Variants in CHRM3 observed in about 807,000 individuals in gnomAD.
The protein encoded by CHRM3 is muscarinic acetylcholine receptor M3.
A neutral mutation model predicts 41.8 loss-of-function variants in CHRM3; 11 were observed. That is an observed-to-expected ratio of 0.26 (90% CI 0.17 to 0.44). CHRM3 has a LOEUF of 0.44. Among genes scored for constraint, CHRM3 ranks in the 20% least tolerant of loss-of-function variants. The pLI is 1.00. For synonymous variants in CHRM3, 297 were observed against 301.4 expected (o/e 0.99, Z 0.15); for missense variants, 571 against 745.4 (o/e 0.77, Z 2.72).
At chr1:239,495,885 A>G (rs1395724118) in intron 2 of CHRM3, among the ~76,000 whole-genome samples, 1 of 152,012 alleles carries the variant, frequency 6.6e-6, no homozygotes, top group Admixed American at 6.6e-5. Context: ...AATTCATTTC[A>G]TATTTCCTTC....
At chr1:239,414,227 C>A (rs1661325548) in intron 1 of CHRM3, among the ~76,000 whole-genome samples, 1 of 152,114 alleles carries the variant, frequency 6.6e-6, no homozygotes, top group African/African-American at 2.4e-5. Flanking sequence ...TTTCTATTCA[C>A]AATTAATTTG....
chr1:239,777,728 A>G (rs1320142704), intron 5 of CHRM3, among the ~76,000 whole-genome samples: 6 of 152,226 alleles, frequency 3.9e-5, no homozygotes, highest in Non-Finnish European at 5.9e-5. Context: ...TTAAGGGCAG[A>G]AAAAAGCGAA....
intron 3 of CHRM3, among the ~76,000 whole-genome samples, chr1:239,579,916 CAAACTTA>C (rs1407355691): frequency 6.6e-6 from 1 of 152,052 alleles, no homozygotes; most frequent in Admixed American, 6.6e-5. Flanking sequence ...CGAGGCACAG[CAAACTTA>C]AGTGATTTTC....
At chr1:239,610,425 T>G (rs1666886282) in intron 3 of CHRM3, among the ~76,000 whole-genome samples, 1 of 152,198 alleles carries the variant, frequency 6.6e-6, no homozygotes, top group Non-Finnish European at 1.5e-5. Flanking sequence ...ATAATTTCTT[T>G]TTAAACAATA....
At position 239,859,433 on chromosome 1, in the gene CHRM3, T is replaced by G. The variant is rs12091283; in HGVS notation, c.-20+32055T>G. On this transcript the variant is annotated intron_variant, in intron 6 of 6. Coordinates refer to ENST00000676153, the MANE Select transcript of CHRM3 (RefSeq NM_001375978.1). ...TTGTTGTTGTTGTTTTTTTTTTTTG[T>G]TTTTTTTTTTGAGGTGGAGTCTCAC... Among the ~76,000 whole-genome samples the G allele has an allele frequency of 7.0e-5, 7 of 99,402 alleles. No homozygotes were observed. The South Asian group carries it at 2.5e-3, about 35-fold the overall frequency. 65.2% of individuals were successfully genotyped at this position (99,402 alleles called of 152,430 possible).
chr1:239,701,092 C>G (rs1391217890), intron 5 of CHRM3, among the ~76,000 whole-genome samples: 2 of 152,104 alleles, frequency 1.3e-5, no homozygotes. Flanking sequence ...ACTAAAGTTC[C>G]TAAGACATTT....
At chr1:239,584,162 G>A (rs1181933714) in intron 3 of CHRM3, among the ~76,000 whole-genome samples, 1 of 146,686 alleles carries the variant, frequency 6.8e-6, no homozygotes, top group Non-Finnish European at 1.5e-5. Flanking sequence ...AGAGTGCAGT[G>A]GTGCGATCTT....
At chr1:239,450,289 C>T (rs1664469093) in intron 1 of CHRM3, among the ~76,000 whole-genome samples, 1 of 152,162 alleles carries the variant, frequency 6.6e-6, no homozygotes, top group Non-Finnish European at 1.5e-5. Context: ...CTGCTTGAAT[C>T]AGGGATAAAT....
chr1:239,662,105 A>ATGTG (rs57202092), intron 4 of CHRM3, among the ~76,000 whole-genome samples: 13,578 of 144,736 alleles, frequency 0.094, 647 homozygotes, highest in African/African-American at 0.12. Context: ...TCAGTTTTAG[A>ATGTG]TGTGTGTGTG....
intron 4 of CHRM3, among the ~76,000 whole-genome samples, chr1:239,660,169 A>T (rs984650621): frequency 2.6e-5 from 4 of 151,976 alleles, no homozygotes; most frequent in African/African-American, 4.8e-5. Flanking sequence ...TTTTGTAGAG[A>T]TGGGGTTCTC....
chr1:239,692,303 C>A (rs1359390742), intron 5 of CHRM3, among the ~76,000 whole-genome samples: 1 of 152,072 alleles, frequency 6.6e-6, no homozygotes, highest in Non-Finnish European at 1.5e-5. Context: ...AACTAAGGTC[C>A]AAGAATCAAC....
chr1:239,693,507 G>A (rs972877597), intron 5 of CHRM3, among the ~76,000 whole-genome samples: 29 of 152,190 alleles, frequency 1.9e-4, no homozygotes, highest in African/African-American at 6.5e-4. Flanking sequence ...ATAAATGTCT[G>A]TTGTTTAAGG....
In CHRM3 at chr1:239,445,772, C is replaced by T. The variant is rs193134131; in HGVS notation, c.-520-46937C>T. Among the ~76,000 whole-genome samples, 529 of 152,144 alleles carry T rather than the reference C, an allele frequency of 3.5e-3. 3 individuals are homozygous for T. Among genetic ancestry groups the T allele is most frequent in the Non-Finnish European group, 6.1e-3 (414 of 67,994 alleles). ...TACTATCATCATCCATCCATTGAGC[C>T]AGTTAATATGAATGCTATCTACTCA... is the stretch of plus-strand genomic sequence containing the variant. On this transcript the variant is annotated intron_variant, in intron 1 of 6. Coordinates refer to ENST00000676153, the MANE Select transcript of CHRM3 (RefSeq NM_001375978.1).
rs573403552 is a variant in CHRM3 at position 239,500,933 on chromosome 1, G to T, written c.-422+8126G>T. Among the ~76,000 whole-genome samples, 3 of 152,278 alleles carry T rather than the reference G, an allele frequency of 2.0e-5. No homozygotes were observed. In the East Asian group the frequency reaches 5.8e-4, roughly 29 times the overall value. ...AAACTTAAAGTAAAAGGGTGCAAAA[G>T]GCATTTCATGCAAATGGACACGAAA... is the stretch of plus-strand genomic sequence containing the variant. On this transcript the variant is annotated intron_variant, in intron 2 of 6. Transcript: ENST00000676153.
chr1:239,428,324 T>C (rs1015680039), intron 1 of CHRM3, among the ~76,000 whole-genome samples: 1 of 152,228 alleles, frequency 6.6e-6, no homozygotes, highest in South Asian at 2.1e-4. Context: ...ACATAAAGGA[T>C]TAGCAACAGT....
chr1:239,514,379 G>A (rs1669124445), intron 2 of CHRM3, among the ~76,000 whole-genome samples: 1 of 151,232 alleles, frequency 6.6e-6, no homozygotes, highest in African/African-American at 2.4e-5. Context: ...CTGTCATTTT[G>A]TAGAGTGCTA....
rs72756730 is a variant in CHRM3 at position 239,528,013 on chromosome 1, G to A, written c.-421-17628G>A. Among the ~76,000 whole-genome samples the A allele has an allele frequency of 9.7e-3, 1,481 of 152,194 alleles. 12 individuals carry two copies. Among genetic ancestry groups the A allele is most frequent in the South Asian group, 0.035 (168 of 4,816 alleles). On this transcript the variant is annotated intron_variant, in intron 2 of 6. Transcript: ENST00000676153. ...AAAGTTCTCAGCACAGAATGGAAAC[G>A]TGTGGGCTTACTTAACAACTCCATC...
At position 239,798,248 on chromosome 1, in the gene CHRM3, G is replaced by A. The variant is rs146989991; in HGVS notation, c.-146-29004G>A. Among the ~76,000 whole-genome samples the A allele has an allele frequency of 3.3e-5, 5 of 152,202 alleles. No homozygotes were observed. In the East Asian group the frequency reaches 7.7e-4, roughly 24 times the overall value. Reference sequence around the variant, plus strand: ...TATGCAAAATCTCTGTTAATCAGCTGTTTGTTACCATTGTGACTTCCAGTG... The same window carrying A: ...TATGCAAAATCTCTGTTAATCAGCTATTTGTTACCATTGTGACTTCCAGTG... On this transcript the variant is annotated intron_variant, in intron 5 of 6. Coordinates refer to ENST00000676153, the MANE Select transcript of CHRM3 (RefSeq NM_001375978.1).
chr1:239,694,713 A>C (rs1338518595), intron 5 of CHRM3, among the ~76,000 whole-genome samples: 2 of 152,200 alleles, frequency 1.3e-5, no homozygotes, highest in African/African-American at 4.8e-5. Flanking sequence ...ATTGAATTGA[A>C]TAAAAATGGA....
Sources: gnomAD v4.1 joint callset for allele counts (sites outside exome capture counted in the v4.1 genomes callset) on GRCh38, gnomAD v4.1.1 for gene constraint, MANE v1.5 for transcripts, NCBI Gene and HGNC (gene_info 2026-07-23, HGNC 2026-07-21) for gene names.